FANCC: variants seen among roughly 807,000 people sequenced by gnomAD.
FANCC encodes FA complementation group C.
FANCC carries 55 observed loss-of-function variants against 71.3 expected under a neutral mutation model. The observed-to-expected ratio is 0.77, with a 90% CI of 0.62 to 0.97. The LOEUF (loss-of-function observed/expected upper bound fraction) is 0.97, where lower values mean the gene tolerates loss of function less well. Among genes scored for constraint, FANCC ranks in the 50% least tolerant of loss-of-function variants. The pLI is 0.00. For missense variants in FANCC, 678 were observed against 670.9 expected (o/e 1.01, Z -0.12); for synonymous variants, 275 against 244.9 (o/e 1.12, Z -1.15).
chr9:95,248,009 G>A (rs902101608), intron 2 of FANCC, among the ~76,000 whole-genome samples: 5 of 152,126 alleles, frequency 3.3e-5, no homozygotes, highest in African/African-American at 1.2e-4. Context: ...AGAAATAAAA[G>A]CAGCCAAAGC....
chr9:95,157,268 G>A (rs376860689), intron 6 of FANCC, among the ~76,000 whole-genome samples: 18 of 152,234 alleles, frequency 1.2e-4, no homozygotes, highest in South Asian at 2.1e-4. Context: ...TGCACAGATC[G>A]CCAGAGGAAC....
At chr9:95,290,206 G>C (rs1000128480) in intron 1 of FANCC, among the ~76,000 whole-genome samples, 3 of 152,114 alleles carry the variant, frequency 2.0e-5, no homozygotes, top group African/African-American at 7.2e-5. Flanking sequence ...AGTGATAAGG[G>C]AGCTTCTCTT....
intron 4 of FANCC, among the ~76,000 whole-genome samples, chr9:95,183,909 T>A (rs1415391720): frequency 6.6e-6 from 1 of 152,246 alleles, no homozygotes; most frequent in Non-Finnish European, 1.5e-5. Context: ...AAAGCTTTTG[T>A]TAGTTCCATC....
chr9:95,271,021 G>A (rs944649011), intron 1 of FANCC, among the ~76,000 whole-genome samples: 5 of 152,130 alleles, frequency 3.3e-5, no homozygotes, highest in African/African-American at 1.2e-4. Flanking sequence ...ATAAGAATGG[G>A]CTCTGATTAG....
intron 4 of FANCC, among the ~76,000 whole-genome samples, chr9:95,229,040 G>T (rs1044706390): frequency 2.0e-5 from 3 of 152,144 alleles, no homozygotes; most frequent in Non-Finnish European, 2.9e-5. Context: ...GCTCACACCT[G>T]TAATCCCAAC....
At chr9:95,194,604 G>A (rs1401198073) in intron 4 of FANCC, among the ~76,000 whole-genome samples, 4 of 152,020 alleles carry the variant, frequency 2.6e-5, no homozygotes, top group Non-Finnish European at 5.9e-5. Context: ...GGCTAATGAT[G>A]TGAAATATCT....
intron 4 of FANCC, among the ~76,000 whole-genome samples, chr9:95,180,409 A>T (rs1302539785): frequency 7.0e-6 from 1 of 142,936 alleles, no homozygotes; most frequent in Non-Finnish European, 1.5e-5. Flanking sequence ...TAGCAATCAC[A>T]GTTCGCTGCA....
chr9:95,137,794 C>T (rs922253806), intron 7 of FANCC, among the ~76,000 whole-genome samples: 2 of 152,172 alleles, frequency 1.3e-5, no homozygotes, highest in African/African-American at 4.8e-5. Context: ...CTGCAGATGG[C>T]AGGAGGCACA....
chr9:95,216,191 G>A (rs992919283), intron 4 of FANCC, among the ~76,000 whole-genome samples: 1 of 152,176 alleles, frequency 6.6e-6, no homozygotes, highest in African/African-American at 2.4e-5. Flanking sequence ...TGTTGTTACT[G>A]TTGTTTTAAT....
At chr9:95,257,690 C>A (rs554246997) in intron 1 of FANCC, among the ~76,000 whole-genome samples, 11 of 152,220 alleles carry the variant, frequency 7.2e-5, no homozygotes, top group African/African-American at 2.6e-4. Context: ...CAGAGCAGAA[C>A]TGAAGGAGAC....
At chr9:95,266,668 A>G (rs998832284) in intron 1 of FANCC, among the ~76,000 whole-genome samples, 4 of 152,192 alleles carry the variant, frequency 2.6e-5, no homozygotes, top group African/African-American at 9.7e-5. Flanking sequence ...AATTACCACC[A>G]AAATGAAAAA....
chr9:95,290,588 G>C (rs1448745782), intron 1 of FANCC, among the ~76,000 whole-genome samples: 2 of 152,150 alleles, frequency 1.3e-5, no homozygotes, highest in African/African-American at 4.8e-5. Context: ...GAGTGGGTAG[G>C]TAACCAGAGC....
intron 8 of FANCC, among the ~76,000 whole-genome samples, chr9:95,131,715 G>A (rs1432763598): frequency 1.3e-5 from 2 of 152,140 alleles, no homozygotes; most frequent in East Asian, 3.9e-4. Context: ...GAAAAAGCAG[G>A]AAAAGAAAAC....
intron 2 of FANCC, among the ~76,000 whole-genome samples, chr9:95,248,517 A>C (rs942510876): frequency 6.6e-6 from 1 of 152,218 alleles, no homozygotes; most frequent in African/African-American, 2.4e-5. Flanking sequence ...TTAACACAAG[A>C]ACACTTTGTT....
intron 4 of FANCC, among the ~76,000 whole-genome samples, chr9:95,222,191 T>C (rs60944154): frequency 6.7e-6 from 1 of 149,372 alleles, no homozygotes; most frequent in South Asian, 2.1e-4. Context: ...AAAAAAATTG[T>C]TCATAGCAAC....
At chr9:95,168,329 C>T (rs1030811742) in intron 6 of FANCC, among the ~76,000 whole-genome samples, 1 of 152,160 alleles carries the variant, frequency 6.6e-6, no homozygotes, top group Non-Finnish European at 1.5e-5. Context: ...TTGAGCTATG[C>T]CAGCCTCCAT....
At chr9:95,226,518 A>C (rs1015881640) in intron 4 of FANCC, among the ~76,000 whole-genome samples, 2 of 152,162 alleles carry the variant, frequency 1.3e-5, no homozygotes, top group African/African-American at 4.8e-5. Flanking sequence ...AACACGGCAG[A>C]CAGGAGTGAG....
chr9:95,113,459 A>G (rs764112183), intron 12 of FANCC, among the ~76,000 whole-genome samples: 2 of 152,166 alleles, frequency 1.3e-5, no homozygotes, highest in Non-Finnish European at 2.9e-5. Flanking sequence ...GAATGCTTTC[A>G]AGAAAATCAC....
rs116934191 is a variant in FANCC, at chr9:95,169,022, A to C, written c.521+2057T>G. Among the ~76,000 whole-genome samples the C allele has an allele frequency of 3.7e-4, 56 of 152,326 alleles. 1 individual carries two copies. The East Asian group carries it at 9.8e-3, about 27-fold the overall frequency. On this transcript the variant is annotated intron_variant, in intron 6 of 14. Transcript: ENST00000289081. The stretch of plus-strand genomic sequence containing the variant: ...CTGTGCTTGTGTTCAAGTAACTCTT[A>C]TTTTATTAATACTTAATAATGACCT...
Sources: allele counts gnomAD v4.1 joint callset (sites outside exome capture counted in the v4.1 genomes callset), GRCh38; gene constraint gnomAD v4.1.1; transcripts MANE v1.5; gene names NCBI Gene and HGNC (gene_info 2026-07-23, HGNC 2026-07-21).